TXLNB: variants seen among roughly 807,000 people sequenced by gnomAD.
The protein encoded by TXLNB is taxilin beta, also known as beta-taxilin.
TXLNB carries 37 observed loss-of-function variants against 57.4 expected under a neutral mutation model. The observed-to-expected ratio is 0.64, with a 90% confidence interval of 0.50 to 0.85. The LOEUF is 0.85. TXLNB is among the 40% of genes least tolerant of loss of function. The pLI is 0.00. For missense variants in TXLNB, 848 were observed against 825.6 expected (o/e 1.03, Z -0.33); for synonymous variants, 302 against 309.6 (o/e 0.98, Z 0.26).
At chr6:139,318,761 A>C in the TXLNB span, among the ~76,000 whole-genome samples, 2 of 152,182 alleles carry the variant, frequency 1.3e-5, no homozygotes, top group African/African-American at 4.8e-5. Context: ...TTCCAGACAA[A>C]ATATGAGTGT....
At chr6:139,321,946 C>A in the TXLNB span, among the ~76,000 whole-genome samples, 1 of 151,606 alleles carries the variant, frequency 6.6e-6, no homozygotes, top group African/African-American at 2.4e-5. Flanking sequence ...AGACTACTCT[C>A]TTGAACTACA....
At chr6:139,187,518 A>AT in the TXLNB span, among the ~76,000 whole-genome samples, 23,598 of 150,752 alleles carry the variant, frequency 0.16, 2,645 homozygotes, top group African/African-American at 0.32. Context: ...TCAAAACAGT[A>AT]TTTTTTTTTT....
chr6:139,241,708 C>T lies in TXLNB; in HGVS notation c.*818G>A, dbSNP rs935002629. 14 of 152,252 alleles carry T rather than the reference C, an allele frequency of 9.2e-5. No individual in the cohort carries two copies. The highest frequency in any genetic ancestry group is 2.1e-4 in the Non-Finnish European group (14 of 68,046). 9.4% of individuals were successfully genotyped at this position (152,252 alleles called of 1,614,324 possible). On this transcript the variant is annotated 3_prime_UTR_variant, in exon 10 of 10. Coordinates refer to ENST00000358430, the MANE Select transcript of TXLNB (RefSeq NM_153235.4). ...CCTTGTGGTCATCTTTGTGTCCATG[C>T]TGTCTGCACAGATTGTAGTCTAACT...
intron 7 of TXLNB, among the ~76,000 whole-genome samples, chr6:139,253,324 T>C (rs1328941564): frequency 6.6e-6 from 1 of 152,210 alleles, no homozygotes; most frequent in Non-Finnish European, 1.5e-5. Context: ...AACATAGGCA[T>C]AATTTCCATC....
chr6:139,250,147 T>C lies in TXLNB; in HGVS notation c.1078-2238A>G, dbSNP rs578122853. Among the ~76,000 whole-genome samples the C allele has an allele frequency of 8.0e-5, 12 of 150,206 alleles. No homozygotes were observed. The East Asian group carries it at 2.1e-3, about 27-fold the overall frequency. On this transcript the variant is annotated intron_variant, in intron 7 of 9. Transcript: ENST00000358430. ...CTCCTGCATCAGCCTCCAGAGTTGC[T>C]AGGACTACAGGCACATGCCCCATGT...
the TXLNB span, among the ~76,000 whole-genome samples, chr6:139,176,554 A>G: frequency 6.6e-6 from 1 of 152,170 alleles, no homozygotes; most frequent in African/African-American, 2.4e-5. The surrounding 1 kb of genome is among the most constrained non-coding windows in gnomAD (Gnocchi z 4.5). Context: ...TTTTTACATC[A>G]AAGAAAACGC....
chr6:139,171,296 G>C, the TXLNB span, among the ~76,000 whole-genome samples: 1 of 152,198 alleles, frequency 6.6e-6, no homozygotes, highest in African/African-American at 2.4e-5. Context: ...TCAGGGAGCA[G>C]ATGAAGAAAG....
At chr6:139,276,457 C>A (rs188041623) in intron 3 of TXLNB, among the ~76,000 whole-genome samples, 1 of 152,268 alleles carries the variant, frequency 6.6e-6, no homozygotes, top group South Asian at 2.1e-4. Context: ...TGCTAACATG[C>A]GAGAATTAAC....
At chr6:139,197,382 C>T in the TXLNB span, among the ~76,000 whole-genome samples, 4 of 152,030 alleles carry the variant, frequency 2.6e-5, no homozygotes, top group Non-Finnish European at 4.4e-5. Flanking sequence ...TTGTTCACTG[C>T]TGTATTCCCA....
the TXLNB span, among the ~76,000 whole-genome samples, chr6:139,217,864 C>CAAAAAAAAAAAAAAAAA: frequency 1.9e-5 from 1 of 51,914 alleles, no homozygotes; most frequent in Non-Finnish European, 4.4e-5. Flanking sequence ...GCAAGAGTCT[C>CAAAAAAAAAAAAAAAAA]AAAAAAAAAA....
chr6:139,171,743 C>T, the TXLNB span, among the ~76,000 whole-genome samples: 1 of 152,142 alleles, frequency 6.6e-6, no homozygotes, highest in Non-Finnish European at 1.5e-5. Flanking sequence ...CCTCCTGCCC[C>T]AGCTTCTCCA....
At chr6:139,232,232 G>A in the TXLNB span, among the ~76,000 whole-genome samples, 3 of 152,166 alleles carry the variant, frequency 2.0e-5, no homozygotes, top group African/African-American at 7.2e-5. Context: ...GAGAGAGCTT[G>A]TATGAAGGAG....
rs529844863 is a variant in TXLNB, at chr6:139,273,584, C to G, written c.517-2958G>C. 7.9e-5 allele frequency among the ~76,000 whole-genome samples: 12 copies of G among 152,094 alleles called. No homozygotes were observed. In the South Asian group the frequency reaches 2.5e-3, roughly 32 times the overall value. On this transcript the variant is annotated intron_variant, in intron 3 of 9. Coordinates refer to ENST00000358430, the MANE Select transcript of TXLNB (RefSeq NM_153235.4). ...AGCTCCAGCCATCCTCCTGCCTCAG[C>G]CTCCTGAGTAGCTGGGACAACAGTT...
the TXLNB span, among the ~76,000 whole-genome samples, chr6:139,159,552 G>A: frequency 1.3e-5 from 2 of 152,048 alleles, no homozygotes; most frequent in South Asian, 2.1e-4. Flanking sequence ...GCTCTGTCCC[G>A]ACAGAGAAGG....
At chr6:139,309,877 G>A in the TXLNB span, among the ~76,000 whole-genome samples, 125 of 152,250 alleles carry the variant, frequency 8.2e-4, no homozygotes, top group African/African-American at 2.9e-3. Context: ...ACACAATGGG[G>A]AAAGAACAGT....
chr6:139,210,752 T>C, the TXLNB span, among the ~76,000 whole-genome samples: 2 of 152,184 alleles, frequency 1.3e-5, no homozygotes, highest in Non-Finnish European at 2.9e-5. Flanking sequence ...GGGTGACAGA[T>C]GGCACCTGGA....
chr6:139,245,057 G>T (rs980281715), intron 8 of TXLNB, among the ~76,000 whole-genome samples: 1 of 152,198 alleles, frequency 6.6e-6, no homozygotes, highest in Non-Finnish European at 1.5e-5. Context: ...TGGGAAAGCT[G>T]GCATGGCCTT....
the TXLNB span, among the ~76,000 whole-genome samples, chr6:139,221,462 A>G: frequency 1.4e-4 from 22 of 152,276 alleles, no homozygotes; most frequent in South Asian, 4.6e-3. Flanking sequence ...GATTTAAATC[A>G]TCTCCATTTT....
the TXLNB span, among the ~76,000 whole-genome samples, chr6:139,173,114 C>T: frequency 1.3e-5 from 2 of 152,292 alleles, no homozygotes; most frequent in African/African-American, 4.8e-5. Flanking sequence ...TCCTAACATG[C>T]CCCGAGGCCA....
Sources: gnomAD v4.1 joint callset for allele counts (sites outside exome capture counted in the v4.1 genomes callset) on GRCh38, gnomAD v4.1.1 for gene constraint, Gnocchi (gnomAD v3.1) non-coding constraint, MANE v1.5 for transcripts, NCBI Gene and HGNC (gene_info 2026-07-23, HGNC 2026-07-21) for gene names.